Variants in CACTIN observed in about 807,000 individuals in gnomAD.
CACTIN encodes the protein cactin, spliceosome C complex subunit.
Under a neutral mutation model 84.9 loss-of-function variants are expected in CACTIN, and 20 were observed. That is an observed-to-expected ratio of 0.24 (90% CI 0.17 to 0.34). The LOEUF is 0.34. Among genes scored for constraint, CACTIN ranks in the 10% least tolerant of loss-of-function variants. The pLI is 1.00. For synonymous variants in CACTIN, 549 were observed against 467.9 expected (o/e 1.17, Z -2.24); for missense variants, 897 against 1,117.2 (o/e 0.80, Z 2.81).
Position 3,622,363 on chromosome 19 carries a change from C to CAAAA in CACTIN, c.642+1321_642+1324dup, listed in dbSNP as rs34766613. Among the ~76,000 whole-genome samples, 466 of 88,110 alleles carry CAAAA rather than the reference C, an allele frequency of 5.3e-3. 23 individuals are homozygous for CAAAA. Among genetic ancestry groups the CAAAA allele is most frequent in the African/African-American group, 0.02 (420 of 20,578 alleles). The allele number at this position is 88,110 out of a possible 152,430, so 57.8% of individuals were successfully genotyped here. A position where few individuals can be genotyped will look rare whatever the true frequency, so the allele number is the denominator to read the frequency against. On this transcript the variant is annotated intron_variant, in intron 2 of 9. Transcript: ENST00000429344. Reference sequence around the variant, plus strand: ...TGGGCAACAGAGTGAGACTCCATCTCAAAAAAAAAAAAAAAAAAAAAGTGA... The same window carrying CAAAA: ...TGGGCAACAGAGTGAGACTCCATCTCAAAAAAAAAAAAAAAAAAAAAAAAAGTGA...
At chr19:3,621,571 G>A (rs961940132) in intron 2 of CACTIN, among the ~76,000 whole-genome samples, 8 of 152,332 alleles carry the variant, frequency 5.3e-5, no homozygotes, top group Non-Finnish European at 7.3e-5. Flanking sequence ...GCCTGGGGCC[G>A]CTTCCACAGG....
chr19:3,612,437 C>A, intron 9 of CACTIN, 24 bp from the exon 10 acceptor site: 1 of 1,553,122 alleles, frequency 6.4e-7, no homozygotes, highest in Non-Finnish European at 8.7e-7. Flanking sequence ...GGCGTTCACC[C>A]GGGCCTCGGC....
chr19:3,611,009 A>G lies in CACTIN; in HGVS notation c.*914T>C. ...AGTGAGAAGGAGCCACTGTCCTGAT[A>G]TGGGCAAAACTCGGGGTCACTGGTC... On this transcript the variant is annotated 3_prime_UTR_variant, in exon 10 of 10. Transcript: ENST00000429344. 1 of 453,396 alleles carries G rather than the reference A, an allele frequency of 2.2e-6. No individual in the cohort carries two copies. Among genetic ancestry groups the G allele is most frequent in the South Asian group, 1.6e-5 (1 of 64,428 alleles). 28.1% of individuals were successfully genotyped at this position (453,396 alleles called of 1,614,324 possible).
In CACTIN at chr19:3,612,344, G is replaced by T; in HGVS notation, c.1856C>A (p.Ala619Glu). The change falls in exon 10 of 10, where the codon GCG (alanine) becomes GAG (glutamate). Residue 619 changes from alanine to glutamate, a missense_variant. Physicochemically the swap from Ala to Glu is moderately radical, Grantham distance 107. Around this residue, in one of 8 missense-constraint regions of CACTIN, gnomAD observed 243 missense variants for 239.9 expected, o/e 1.01. Transcript: ENST00000429344. ...RAKEGMGQDE[A>E]QFSVEMPLTG... ...GAGTGGCATCTCCACGCTGAACTGC[G>T]CCTCGTCCTGGCCCATGCCCTCCTT... 6.2e-7 allele frequency: 1 copy of T among 1,611,216 alleles called. No individual in the cohort carries two copies.
chr19:3,618,690 A>C (rs3746126), intron 6 of CACTIN, among the ~76,000 whole-genome samples, 185 bp downstream of exon 6: 80,499 of 152,096 alleles, frequency 0.53, 21,851 homozygotes, highest in Middle Eastern at 0.61. Flanking sequence ...GGCCCGCCCC[A>C]CTCATCCCTC....
chr19:3,611,699 G>A lies in CACTIN; in HGVS notation c.*224C>T, dbSNP rs1490846423. ...CCCCTCCGTTGCATCAGGACCCTAG[G>A]CCAGCCTGTCCCAGTGTCTCCTCAG... is the stretch of plus-strand genomic sequence containing the variant. On this transcript the variant is annotated 3_prime_UTR_variant, in exon 10 of 10. Transcript: ENST00000429344. 1.6e-6 allele frequency: 1 copy of A among 633,136 alleles called. No homozygotes were observed. The highest frequency in any genetic ancestry group is 2.9e-5 in the East Asian group (1 of 33,950). The allele number at this position is 633,136 out of a possible 1,614,324, so 39.2% of individuals were successfully genotyped here.
rs760468314 is a variant in CACTIN at position 3,612,200 on chromosome 19, T to G, written c.2000A>C (p.Asn667Thr). The G allele has an allele frequency of 6.2e-7, 1 of 1,613,394 alleles. No individual in the cohort carries two copies. Among genetic ancestry groups the G allele is most frequent in the Admixed American group, 1.7e-5 (1 of 60,028 alleles). The change falls in exon 10 of 10, where the codon AAC becomes ACC. Residue 667 changes from asparagine (N) to threonine (T), a missense_variant. Coordinates refer to ENST00000429344, the MANE Select transcript of CACTIN (RefSeq NM_001080543.2). ...KYNQTHYDFDNPPPKIVQGYK... is the reference protein window; with the variant it reads ...KYNQTHYDFDTPPPKIVQGYK... ...TCCCTGCACGATCTTGGGCGGTGGG[T>G]TGTCAAAGTCGTAGTGCGTCTGGTT...
At position 3,612,079 on chromosome 19, in the gene CACTIN, G is replaced by T. The variant is rs375478810; in HGVS notation, c.2121C>A (p.Ile707=). 1 of 1,613,896 alleles carries T rather than the reference G, an allele frequency of 6.2e-7. No homozygotes were observed. Among genetic ancestry groups the T allele is most frequent in the Non-Finnish European group, 8.5e-7 (1 of 1,179,900 alleles). The change falls in exon 10 of 10, where the codon ATC becomes ATA. Residue 707 remains isoleucine (I), a synonymous_variant. Coordinates refer to ENST00000429344, the MANE Select transcript of CACTIN (RefSeq NM_001080543.2). ...EACADNKDFA[I]LRFHAGPPYE... The stretch of plus-strand genomic sequence containing the variant: ...AGGGCGGCCCCGCGTGGAAGCGCAG[G>T]ATGGCGAAATCCTTGTTGTCGGCGC...
intron 6 of CACTIN, among the ~76,000 whole-genome samples, chr19:3,617,147 T>A (rs1269705954): frequency 6.6e-6 from 1 of 150,812 alleles, no homozygotes; most frequent in Non-Finnish European, 1.5e-5. Flanking sequence ...GGTGTGATGG[T>A]GAGCGCCTGT....
Position 3,623,828 on chromosome 19 carries a change from C to T in CACTIN, c.502G>A (p.Ala168Thr), listed in dbSNP as rs763973263. ...KAFETPEEKRARRLAKKEAKE... is the reference protein window; with the variant it reads ...KAFETPEEKRTRRLAKKEAKE... ...GCCTCCTTCTTGGCCAGCCGCCGTG[C>T]GCGCTTCTCCTCGGGCGTCTCGAAG... The change falls in exon 2 of 10, where the codon GCA (alanine) becomes ACA (threonine). Residue 168 changes from alanine (A) to threonine (T), a missense_variant. Coordinates refer to ENST00000429344, the MANE Select transcript of CACTIN (RefSeq NM_001080543.2). 17 of 1,612,962 alleles carry T rather than the reference C, an allele frequency of 1.1e-5. No individual in the cohort carries two copies. Among genetic ancestry groups the T allele is most frequent in the Admixed American group, 6.7e-5 (4 of 59,994 alleles).
chr19:3,613,125 C>T lies in CACTIN; in HGVS notation c.1719G>A (p.Ala573=), dbSNP rs972323255. 5 of 1,606,636 alleles carry T rather than the reference C, an allele frequency of 3.1e-6. No individual in the cohort carries two copies. Among genetic ancestry groups the T allele is most frequent in the South Asian group, 2.2e-5 (2 of 90,950 alleles). The change falls in exon 9 of 10, where the codon GCG becomes GCA. Residue 573 remains alanine (A), a synonymous_variant. Coordinates refer to ENST00000429344, the MANE Select transcript of CACTIN (RefSeq NM_001080543.2). Reference sequence around the variant, plus strand: ...GGTCCTCATCCGGTTCCAGCACGTGCGCGTCCAGTGGCAGCTCGTGCGCCG... The same window carrying T: ...GGTCCTCATCCGGTTCCAGCACGTGTGCGTCCAGTGGCAGCTCGTGCGCCG... ...LLTAHELPLD[A]HVLEPDEDLQ...
rs558910599 is a variant in CACTIN, at chr19:3,623,625, T to C, written c.642+63A>G. ...GGGCAGGCTGGGAGTGTCTCAAGTGTTGGGGTCTCCAGAAACAGTGGAAAT... is the reference window on the plus strand; with the variant it reads ...GGGCAGGCTGGGAGTGTCTCAAGTGCTGGGGTCTCCAGAAACAGTGGAAAT... On this transcript the variant is annotated intron_variant, in intron 2 of 9. Transcript: ENST00000429344. 6.6e-5 allele frequency: 94 copies of C among 1,425,100 alleles called. 2 individuals are homozygous for C. In the South Asian group the frequency reaches 7.2e-4, roughly 11 times the overall value. The allele number at this position is 1,425,100 out of a possible 1,614,324, so 88.3% of individuals were successfully genotyped here. A position where few individuals can be genotyped will look rare whatever the true frequency, so the allele number is the denominator to read the frequency against.
In CACTIN at chr19:3,623,974, G is replaced by A. The variant is rs752789238; in HGVS notation, c.356C>T (p.Ala119Val). ...WSPSSSASSS[A>V]SPGRSQSPRA... ...GGGGCTCTGGGATCGCCCTGGAGAC[G>A]CGGAGCTGGATGCTGAGGAGCTAGG... is the stretch of plus-strand genomic sequence containing the variant. Residue 119 changes from alanine to valine, a missense_variant, in exon 2 of 10, where the codon GCG becomes GTG. This residue lies in a region of CACTIN where 261 missense variants were observed against 243.8 expected (regional missense o/e 1.07). Coordinates refer to ENST00000429344, the MANE Select transcript of CACTIN (RefSeq NM_001080543.2). 2.7e-5 allele frequency: 44 copies of A among 1,603,856 alleles called. No homozygotes were observed. The highest frequency in any genetic ancestry group is 3.5e-5 in the Non-Finnish European group (41 of 1,178,710).
rs1197595697 is a variant in CACTIN, at chr19:3,611,185, C to T, written c.*738G>A. 2 of 408,012 alleles carry T rather than the reference C, an allele frequency of 4.9e-6. No individual in the cohort carries two copies. Among genetic ancestry groups the T allele is most frequent in the Non-Finnish European group, 9.9e-6 (2 of 202,038 alleles). The allele number at this position is 408,012 out of a possible 1,614,324, so 25.3% of individuals were successfully genotyped here. The stretch of plus-strand genomic sequence containing the variant: ...AGGACGGCTCAGTGACTTTTGGTTC[C>T]CACGACCTTGACAGAGACAGGGACC... On this transcript the variant is annotated 3_prime_UTR_variant, in exon 10 of 10. Coordinates refer to ENST00000429344, the MANE Select transcript of CACTIN (RefSeq NM_001080543.2).
intron 9 of CACTIN, chr19:3,612,733 G>A (rs1045400143): frequency 4.5e-5 from 31 of 696,142 alleles, no homozygotes; most frequent in Admixed American, 1.8e-4. Flanking sequence ...GACCCCCGAG[G>A]GGGTCCTGGC....
Position 3,611,540 on chromosome 19 carries a change from T to G in CACTIN, c.*383A>C. ...TCTGGCCCATCTCCACAACACCCTG[T>G]GTGGCCGCCACTTGGGGCAGGCCCT... On this transcript the variant is annotated 3_prime_UTR_variant, in exon 10 of 10. Coordinates refer to ENST00000429344, the MANE Select transcript of CACTIN (RefSeq NM_001080543.2). 2.7e-6 allele frequency: 1 copy of G among 365,700 alleles called. No homozygotes were observed. The highest frequency in any genetic ancestry group is 5.3e-6 in the Non-Finnish European group (1 of 188,354). 22.7% of individuals were successfully genotyped at this position (365,700 alleles called of 1,614,324 possible).
rs536985474 is a variant in CACTIN at position 3,613,603 on chromosome 19, G to A, written c.1356-17C>T. The A allele has an allele frequency of 1.3e-6, 2 of 1,592,422 alleles. No homozygotes were observed. The highest frequency in any genetic ancestry group is 1.7e-6 in the Non-Finnish European group (2 of 1,176,194). ...TCACGCAGCCTGGGACGCAGAGCCG[G>A]GGTCACCCGCATGGAGGCGAAGGGG... is the stretch of plus-strand genomic sequence containing the variant. On this transcript the variant is annotated splice_polypyrimidine_tract_variant and intron_variant, in intron 7 of 9. Coordinates refer to ENST00000429344, the MANE Select transcript of CACTIN (RefSeq NM_001080543.2).
intron 7 of CACTIN, among the ~76,000 whole-genome samples, 181 bp downstream of exon 7, chr19:3,614,216 G>A (rs1301725093): frequency 2.8e-5 from 4 of 141,788 alleles, no homozygotes; most frequent in East Asian, 3.9e-4. Flanking sequence ...ACGGGACTAC[G>A]CGCCCCCCGG....
intron 1 of CACTIN, among the ~76,000 whole-genome samples, chr19:3,625,043 A>G (rs1158669974): frequency 1.3e-5 from 2 of 152,072 alleles, no homozygotes; most frequent in Non-Finnish European, 2.9e-5. Flanking sequence ...GGCACACACC[A>G]CCACGCCCAG....
Sources: allele counts gnomAD v4.1 joint callset (sites outside exome capture counted in the v4.1 genomes callset), GRCh38; gene constraint gnomAD v4.1.1; regional missense constraint gnomAD v4.1.1; transcripts MANE v1.5; gene names NCBI Gene and HGNC (gene_info 2026-07-23, HGNC 2026-07-21).